The following CPVL variants were observed in gnomAD, a reference collection of about 807,000 sequenced individuals.
CPVL encodes the protein probable serine carboxypeptidase CPVL.
In CPVL, 51 loss-of-function variants were observed where a neutral mutation model predicts 63.7. The observed-to-expected ratio is 0.80, with a 90% CI of 0.64 to 1.01. The LOEUF is 1.01. Among genes scored for constraint, CPVL ranks in the 50% least tolerant of loss-of-function variants. CPVL has a pLI of 0.00. For missense variants in CPVL, 530 were observed against 573.1 expected (o/e 0.92, Z 0.77); for synonymous variants, 195 against 206.0 (o/e 0.95, Z 0.46).
intron 12 of CPVL, chr7:29,010,565 A>G (rs1320194149): frequency 6.6e-6 from 1 of 152,204 alleles, no homozygotes; most frequent in East Asian, 1.9e-4. Flanking sequence ...TTGACAAGAC[A>G]GTCTCTTTGT....
At chr7:29,191,289 A>G (rs934947898) in intron 1 of CPVL, among the ~76,000 whole-genome samples, 3 of 152,244 alleles carry the variant, frequency 2.0e-5, no homozygotes, top group Admixed American at 6.5e-5. Flanking sequence ...AAAATAAGAC[A>G]GAGCATGAGA....
In CPVL at chr7:28,995,844, G is replaced by A; in HGVS notation, c.1359C>T (p.Asp453=). Residue 453 remains aspartate, a synonymous_variant, in exon 13 of 13, where the codon GAC becomes GAT. Transcript: ENST00000265394. ...IRGGGHILPY[D]QPLRAFDMIN... ...TCATGTCAAAAGCTCTCAGAGGCTG[G>A]TCATAGGGTAAAATATGTCCTCCAC... 1 of 1,605,490 alleles carries A rather than the reference G, an allele frequency of 6.2e-7. No homozygotes were observed. The highest frequency in any genetic ancestry group is 1.7e-4 in the Middle Eastern group (1 of 5,794).
chr7:29,194,265 GC>G, intron 1 of CPVL: 1 of 151,198 alleles, frequency 6.6e-6, no homozygotes, highest in Non-Finnish European at 1.5e-5. Flanking sequence ...CCCGCGCCCG[GC>G]CCCGGCCTCC....
chr7:29,112,104 G>A (rs1204826760), intron 3 of CPVL, among the ~76,000 whole-genome samples: 9 of 152,228 alleles, frequency 5.9e-5, no homozygotes, highest in African/African-American at 2.2e-4. Flanking sequence ...TTGGGAAAGT[G>A]ATGGCCTTTC....
At position 29,127,714 on chromosome 7, in the gene CPVL, A is replaced by G. The variant is rs898627277; in HGVS notation, c.-10-6643T>C. 3.3e-5 allele frequency: 5 copies of G among 152,246 alleles called. No individual in the cohort carries two copies. The East Asian group carries it at 7.7e-4, about 23-fold the overall frequency. The allele number at this position is 152,246 out of a possible 1,614,324, so 9.4% of individuals were successfully genotyped here. A position where few individuals can be genotyped will look rare whatever the true frequency, so the allele number is the denominator to read the frequency against. ...GACCTACTTCCCCTGAAAGTAGGTC[A>G]TAAGACCCTCATTCCAGAGGGGTCC... On this transcript the variant is annotated intron_variant, in intron 1 of 12. Transcript: ENST00000265394.
chr7:29,027,026 A>G (rs1562729446), intron 12 of CPVL, among the ~76,000 whole-genome samples: 1 of 152,142 alleles, frequency 6.6e-6, no homozygotes. Flanking sequence ...CCAGACAAGG[A>G]CACACACAAG....
chr7:29,086,907 G>A (rs941436035), intron 6 of CPVL, among the ~76,000 whole-genome samples: 1 of 152,116 alleles, frequency 6.6e-6, no homozygotes, highest in Admixed American at 6.6e-5. Flanking sequence ...CATTAGCCCG[G>A]GTTTGTGGTG....
chr7:29,101,726 A>G (rs1005629862), intron 3 of CPVL, among the ~76,000 whole-genome samples: 2 of 151,882 alleles, frequency 1.3e-5, no homozygotes, highest in African/African-American at 4.8e-5. Flanking sequence ...GACAAATTCT[A>G]CTTCCTAGAG....
At chr7:29,150,830 G>A (rs1000485266), upstream of CPVL, among the ~76,000 whole-genome samples, 2 of 152,196 alleles carry the variant, frequency 1.3e-5, no homozygotes, top group Admixed American at 6.5e-5. Flanking sequence ...CAGAGGCACA[G>A]CGAAAAGAGA....
intron 5 of CPVL, among the ~76,000 whole-genome samples, chr7:29,156,016 A>G (rs956409446): frequency 1.3e-5 from 2 of 152,200 alleles, no homozygotes; most frequent in Non-Finnish European, 2.9e-5. Context: ...TACATTTAAT[A>G]TTGGTTTTCT....
chr7:29,091,322 T>G (rs1005197351), intron 6 of CPVL, among the ~76,000 whole-genome samples: 2 of 151,766 alleles, frequency 1.3e-5, no homozygotes, highest in African/African-American at 4.8e-5. Flanking sequence ...GCCCGATGCA[T>G]CTCTTCAATA....
chr7:29,033,502 C>T (rs1014195843), intron 11 of CPVL, among the ~76,000 whole-genome samples: 2 of 152,204 alleles, frequency 1.3e-5, no homozygotes, highest in African/African-American at 4.8e-5. Context: ...GTAGGGTGAC[C>T]AACTGTCCCA....
intron 1 of CPVL, among the ~76,000 whole-genome samples, chr7:29,143,544 A>G (rs1234478682): frequency 6.6e-6 from 1 of 152,196 alleles, no homozygotes; most frequent in Non-Finnish European, 1.5e-5. Context: ...ATCATACAGT[A>G]CAAAAAGATA....
chr7:29,105,569 G>A (rs1341922835), intron 3 of CPVL, among the ~76,000 whole-genome samples: 1 of 152,154 alleles, frequency 6.6e-6, no homozygotes, highest in Non-Finnish European at 1.5e-5. Context: ...TGGTGTCTCA[G>A]GGCTGGAGAA....
intron 1 of CPVL, among the ~76,000 whole-genome samples, chr7:29,133,885 G>A (rs910051269): frequency 2.6e-4 from 39 of 152,176 alleles, no homozygotes; most frequent in Admixed American, 2.0e-4. Flanking sequence ...GTCAAAAATG[G>A]TAAGTACTGG....
At chr7:29,066,451 T>G (rs1584153143) in intron 9 of CPVL, among the ~76,000 whole-genome samples, 1 of 151,686 alleles carries the variant, frequency 6.6e-6, no homozygotes, top group East Asian at 1.9e-4. Flanking sequence ...TAAAGAGGAG[T>G]AGGAAGTGTC....
chr7:29,046,543 A>G (rs1789630294), intron 11 of CPVL, among the ~76,000 whole-genome samples: 2 of 144,868 alleles, frequency 1.4e-5, no homozygotes, highest in South Asian at 4.4e-4. Context: ...AAATTCAAGG[A>G]CACACACATG....
intron 3 of CPVL, among the ~76,000 whole-genome samples, chr7:29,100,646 A>G (rs760661622): frequency 2.0e-5 from 3 of 152,144 alleles, no homozygotes; most frequent in Non-Finnish European, 4.4e-5. Flanking sequence ...AGTGCCAAAT[A>G]TCTTTATTAT....
At chr7:29,038,828 C>G (rs1788794131) in intron 11 of CPVL, among the ~76,000 whole-genome samples, 1 of 152,180 alleles carries the variant, frequency 6.6e-6, no homozygotes. Flanking sequence ...GTGTTCCCTC[C>G]ATCTGAAATG....
Sources: gnomAD v4.1 joint callset for allele counts (sites outside exome capture counted in the v4.1 genomes callset) on GRCh38, gnomAD v4.1.1 for gene constraint, MANE v1.5 for transcripts, NCBI Gene and HGNC (gene_info 2026-07-23, HGNC 2026-07-21) for gene names.